The following CDKL3 variants were observed in gnomAD, a reference collection of about 807,000 sequenced individuals.
CDKL3 encodes the protein cyclin dependent kinase like 3, also known as cyclin-dependent kinase-like 3.
Under a neutral mutation model 69.3 loss-of-function variants are expected in CDKL3, and 65 were observed. The ratio of observed to expected loss-of-function variants is 0.94; its 90% CI spans 0.77 to 1.15. The LOEUF (loss-of-function observed/expected upper bound fraction) is 1.15, where lower values mean the gene tolerates loss of function less well. Ranked by LOEUF, CDKL3 falls within the 50% of genes most tolerant of loss-of-function variation. The pLI, the probability that CDKL3 is intolerant of heterozygous loss-of-function variation, is 0.00. For missense variants in CDKL3, 652 were observed against 689.2 expected, an observed-to-expected ratio of 0.95 and a Z score of 0.61; for synonymous variants, 202 against 221.6, an observed-to-expected ratio of 0.91 and a Z score of 0.79.
chr5:134,335,341 ATG>A (rs1776825331), intron 4 of CDKL3, among the ~76,000 whole-genome samples: 1 of 152,062 alleles, frequency 6.6e-6, no homozygotes, highest in Non-Finnish European at 1.5e-5. Flanking sequence ...TAATATTATT[ATG>A]TGTGAATTTG....
At chr5:134,344,839 C>T (rs1400271383) in intron 4 of CDKL3, among the ~76,000 whole-genome samples, 3 of 151,876 alleles carry the variant, frequency 2.0e-5, no homozygotes, top group Admixed American at 6.5e-5. Flanking sequence ...CGAGGCAGGT[C>T]GATCACGAGG....
intron 4 of CDKL3, among the ~76,000 whole-genome samples, chr5:134,329,468 A>T (rs1404999581): frequency 1.3e-5 from 2 of 151,524 alleles, no homozygotes; most frequent in Non-Finnish European, 2.9e-5. Context: ...TTAATTTTTT[A>T]TTTTATTTAT....
At chr5:134,333,428 T>C (rs1776281357) in intron 4 of CDKL3, among the ~76,000 whole-genome samples, 1 of 152,372 alleles carries the variant, frequency 6.6e-6, no homozygotes, top group South Asian at 2.1e-4. Context: ...TTTTTGCCCA[T>C]GCAGTATAAT....
chr5:134,366,288 A>G, intron 2 of CDKL3, 71 bp downstream of exon 2: 1 of 1,104,782 alleles, frequency 9.1e-7, no homozygotes, highest in East Asian at 2.6e-5. Flanking sequence ...GAACTAAAAT[A>G]TTTTATGCAA....
intron 4 of CDKL3, among the ~76,000 whole-genome samples, chr5:134,331,474 G>A (rs1775793721): frequency 6.6e-6 from 1 of 151,754 alleles, no homozygotes; most frequent in Non-Finnish European, 1.5e-5. Flanking sequence ...CCCACCAACA[G>A]GCCCCAGTGT....
intron 12 of CDKL3, among the ~76,000 whole-genome samples, chr5:134,301,266 G>A (rs1387095512): frequency 6.6e-6 from 1 of 152,134 alleles, no homozygotes; most frequent in East Asian, 1.9e-4. Flanking sequence ...CCAAAGTGCT[G>A]GGATTACAGG....
At chr5:134,285,924 C>A (rs575863471), downstream of CDKL3, among the ~76,000 whole-genome samples, 1 of 152,256 alleles carries the variant, frequency 6.6e-6, no homozygotes, top group East Asian at 1.9e-4. Context: ...GAGATTGAGA[C>A]CATCCTGGCC....
downstream of CDKL3, among the ~76,000 whole-genome samples, chr5:134,294,766 T>C (rs1765273721): frequency 6.6e-6 from 1 of 151,996 alleles, no homozygotes; most frequent in Non-Finnish European, 1.5e-5. Flanking sequence ...GGTCTCAGGA[T>C]ACAAGATCAA....
At chr5:134,306,528 T>C (rs994243000) in intron 10 of CDKL3, 81 bp downstream of exon 10, 2 of 834,454 alleles carry the variant, frequency 2.4e-6, no homozygotes, top group Non-Finnish European at 3.9e-6. Context: ...AAAAAAGTAT[T>C]AGAGCCCTAA....
chr5:134,338,611 A>C lies in CDKL3; in HGVS notation c.539+11638T>G, dbSNP rs1300488199. ...CTCAGGAGGCTGAGGCAGGAGAATC[A>C]CTTGAAAAGAGGAGGCAGAGGTTTC... On this transcript the variant is annotated intron_variant, in intron 4 of 12. Coordinates refer to ENST00000265334, the MANE Select transcript of CDKL3 (RefSeq NM_001113575.2). 4.6e-5 allele frequency among the ~76,000 whole-genome samples: 7 copies of C among 152,066 alleles called. No individual in the cohort carries two copies. In the East Asian group the frequency reaches 9.6e-4, roughly 21 times the overall value.
chr5:134,322,404 G>A (rs1773032905), intron 4 of CDKL3, among the ~76,000 whole-genome samples: 1 of 152,182 alleles, frequency 6.6e-6, no homozygotes. Flanking sequence ...ATAGTCCTAA[G>A]TACTGTTCTG....
upstream of CDKL3, chr5:134,371,504 C>G (rs976049698): frequency 6.7e-7 from 1 of 1,485,696 alleles, no homozygotes; most frequent in South Asian, 1.2e-5. Context: ...GCGGCGGCGG[C>G]GATCCACAGT....
At chr5:134,342,778 T>A (rs1750838060) in intron 4 of CDKL3, among the ~76,000 whole-genome samples, 1 of 152,098 alleles carries the variant, frequency 6.6e-6, no homozygotes, top group South Asian at 2.1e-4. Context: ...TTTGCAAAAA[T>A]TGAGAAGCTG....
chr5:134,311,060 GT>G (rs1281149199), intron 7 of CDKL3, among the ~76,000 whole-genome samples: 1 of 152,086 alleles, frequency 6.6e-6, no homozygotes, highest in Non-Finnish European at 1.5e-5. Flanking sequence ...AGAAAATGGT[GT>G]TTTTTTAGAA....
intron 4 of CDKL3, among the ~76,000 whole-genome samples, chr5:134,334,828 T>A (rs1776668949): frequency 2.0e-5 from 3 of 152,200 alleles, no homozygotes; most frequent in African/African-American, 4.8e-5. Flanking sequence ...GTCTATTAGG[T>A]CCGCTTGGTC....
At chr5:134,330,763 T>C (rs1775583712) in intron 4 of CDKL3, among the ~76,000 whole-genome samples, 1 of 152,124 alleles carries the variant, frequency 6.6e-6, no homozygotes, top group Non-Finnish European at 1.5e-5. Context: ...CGAAACATTC[T>C]CACAAGAAGC....
chr5:134,296,219 GA>G (rs1463584442), downstream of CDKL3, among the ~76,000 whole-genome samples: 1 of 152,054 alleles, frequency 6.6e-6, no homozygotes, highest in Non-Finnish European at 1.5e-5. Context: ...TTATTTAAGA[GA>G]ATATGTCATC....
chr5:134,345,802 G>C (rs1751711730), intron 4 of CDKL3, among the ~76,000 whole-genome samples: 1 of 152,162 alleles, frequency 6.6e-6, no homozygotes, highest in Admixed American at 6.5e-5. Context: ...AGGCCATCTG[G>C]ATGTATCCGT....
downstream of CDKL3, among the ~76,000 whole-genome samples, chr5:134,296,354 G>T (rs1248468473): frequency 6.6e-6 from 1 of 152,186 alleles, no homozygotes; most frequent in Admixed American, 6.5e-5. Flanking sequence ...AAGAGGAAAA[G>T]AGCAGGTTGG....
Sources: gnomAD v4.1 joint callset for allele counts (sites outside exome capture counted in the v4.1 genomes callset) on GRCh38, gnomAD v4.1.1 for gene constraint, MANE v1.5 for transcripts, NCBI Gene and HGNC (gene_info 2026-07-23, HGNC 2026-07-21) for gene names.